The following ENOX2 variants were observed in gnomAD, a reference collection of about 807,000 sequenced individuals.
The protein encoded by ENOX2 is APK1 antigen.
ENOX2 carries 36 observed loss-of-function variants against 45.0 expected under a neutral mutation model. The observed-to-expected ratio is 0.80, with a 90% CI of 0.61 to 1.06. ENOX2 has a LOEUF of 1.06. Ranked by LOEUF, ENOX2 falls within the 50% of genes least tolerant of loss-of-function variation. The pLI is 0.00. For missense variants in ENOX2, 423 were observed against 462.5 expected (o/e 0.91, Z 0.78); for synonymous variants, 174 against 152.3 (o/e 1.14, Z -1.05).
intron 3 of ENOX2, among the ~76,000 whole-genome samples, chrX:130,782,735 C>T (rs1020371116): frequency 1.8e-5 from 2 of 111,205 alleles, no homozygotes; most frequent in Non-Finnish European, 3.8e-5. Context: ...CTATATACTA[C>T]AGATTCTACT....
intron 12 of ENOX2, among the ~76,000 whole-genome samples, chrX:130,634,416 A>G (rs1172233874): frequency 9.0e-6 from 1 of 111,522 alleles, no homozygotes; most frequent in Non-Finnish European, 1.9e-5. Context: ...GGTGGTTCTT[A>G]TTGCTGAGAG....
At chrX:130,657,940 T>G (rs969803570) in intron 9 of ENOX2, among the ~76,000 whole-genome samples, 15 of 111,943 alleles carry the variant, frequency 1.3e-4, no homozygotes, top group Non-Finnish European at 2.3e-4. Context: ...GTGCTCATGA[T>G]GTAAAGAAAA....
intron 2 of ENOX2, among the ~76,000 whole-genome samples, chrX:130,886,744 T>C (rs2078910504): frequency 8.9e-6 from 1 of 112,017 alleles, no homozygotes; most frequent in Admixed American, 9.5e-5. Context: ...ACCAAACAGA[T>C]GTGTCCTGGA....
At chrX:130,636,858 A>G (rs1188999781) in intron 11 of ENOX2, among the ~76,000 whole-genome samples, 1 of 112,103 alleles carries the variant, frequency 8.9e-6, no homozygotes, top group Non-Finnish European at 1.9e-5. Context: ...TCTATCAACT[A>G]GATACTTGTT....
At position 130,670,073 on chromosome X, in the gene ENOX2, C is replaced by T. The variant is rs1158959798; in HGVS notation, c.586G>A (p.Glu196Lys). Reference protein sequence around the residue: ...ECKQRMLAREERHRRRMEEER... With the variant: ...ECKQRMLAREKRHRRRMEEER... ...TCTTCCATTCTTCTACGATGGCGCT[C>T]CTCTCTGGCTAGCATACGCTGTTTA... The change falls in exon 7 of 15, where the codon GAG (glutamate) becomes AAG (lysine). Residue 196 changes from glutamate to lysine, a missense_variant. By Grantham distance (56) the Glu-to-Lys change is moderately conservative. Transcript: ENST00000394363. 3.3e-6 allele frequency: 4 copies of T among 1,209,114 alleles called. No individual in the cohort carries two copies. The African/African-American group carries it at 5.3e-5, about 16-fold the overall frequency.
intron 3 of ENOX2, among the ~76,000 whole-genome samples, chrX:130,732,440 G>A (rs2038758270): frequency 9.0e-6 from 1 of 111,342 alleles, no homozygotes; most frequent in South Asian, 3.8e-4. Flanking sequence ...GAGATCTACA[G>A]ATTCAATGCA....
rs773766204 is a variant in ENOX2 at position 130,757,382 on chromosome X, A to T, written c.-39+26165T>A. ...CAGATTCATAGAATTTACACAATGTAGCTCCAAGAAAGATCCTGATTAGTT... is the reference window on the plus strand; with the variant it reads ...CAGATTCATAGAATTTACACAATGTTGCTCCAAGAAAGATCCTGATTAGTT... On this transcript the variant is annotated intron_variant, in intron 3 of 14. Coordinates refer to ENST00000394363, the MANE Select transcript of ENOX2 (RefSeq NM_006375.4). Among the ~76,000 whole-genome samples the T allele has an allele frequency of 2.5e-4, 28 of 112,405 alleles. No individual in the cohort carries two copies. In the East Asian group the frequency reaches 7.8e-3, roughly 31 times the overall value.
intron 2 of ENOX2, among the ~76,000 whole-genome samples, chrX:130,877,567 C>T (rs964136090): frequency 8.9e-6 from 1 of 111,895 alleles, no homozygotes; most frequent in Non-Finnish European, 1.9e-5. Flanking sequence ...ACTGGCACTC[C>T]ATTTTGCAAT....
intron 2 of ENOX2, among the ~76,000 whole-genome samples, chrX:130,800,284 G>C (rs1469191022): frequency 1.9e-5 from 2 of 107,791 alleles, no homozygotes; most frequent in Non-Finnish European, 3.8e-5. Context: ...TTATAATCTA[G>C]AGGTTTTTAA....
At chrX:130,786,200 C>A (rs998540942) in intron 2 of ENOX2, among the ~76,000 whole-genome samples, 11 of 111,717 alleles carry the variant, frequency 9.8e-5, no homozygotes, top group African/African-American at 3.6e-4. Flanking sequence ...GACCTGACAG[C>A]TGATAATCAA....
intron 2 of ENOX2, among the ~76,000 whole-genome samples, chrX:130,800,368 G>A (rs909009990): frequency 5.6e-5 from 6 of 107,018 alleles, no homozygotes; most frequent in African/African-American, 1.0e-4. Flanking sequence ...ACTAATCAGC[G>A]TGCATTATGC....
chrX:130,832,455 A>ACACACC (rs2077853776), intron 2 of ENOX2, among the ~76,000 whole-genome samples: 1 of 109,472 alleles, frequency 9.1e-6, no homozygotes, highest in African/African-American at 3.3e-5. Context: ...ACACACACAC[A>ACACACC]CACACACACA....
intron 2 of ENOX2, among the ~76,000 whole-genome samples, chrX:130,835,670 C>T (rs2077917487): frequency 9.0e-6 from 1 of 111,029 alleles, no homozygotes; most frequent in African/African-American, 3.3e-5. Context: ...GGCTCTGACA[C>T]TAACTAGTTT....
At chrX:130,735,100 C>T (rs1466967764) in intron 3 of ENOX2, among the ~76,000 whole-genome samples, 1 of 112,437 alleles carries the variant, frequency 8.9e-6, no homozygotes, top group Non-Finnish European at 1.9e-5. Flanking sequence ...TCCATCTTCC[C>T]TAATGCTCCA....
intron 3 of ENOX2, among the ~76,000 whole-genome samples, chrX:130,755,578 T>C (rs1373549154): frequency 9.0e-6 from 1 of 110,613 alleles, no homozygotes; most frequent in Non-Finnish European, 1.9e-5. Flanking sequence ...TGGGGTCACA[T>C]GTTTTTTTAA....
intron 2 of ENOX2, among the ~76,000 whole-genome samples, chrX:130,894,229 C>T (rs770063913): frequency 9.0e-6 from 1 of 111,406 alleles, no homozygotes; most frequent in Non-Finnish European, 1.9e-5. Flanking sequence ...TTTGGATATA[C>T]ACCCAGTAAT....
intron 2 of ENOX2, among the ~76,000 whole-genome samples, chrX:130,826,373 G>A (rs181094312): frequency 5.9e-4 from 66 of 111,526 alleles, no homozygotes; most frequent in South Asian, 3.7e-4. Flanking sequence ...CATTATAGTC[G>A]TTCACCATAT....
At chrX:130,670,222 G>A (rs1287238081) in intron 6 of ENOX2, 24 bp from the exon 7 acceptor site, 1 of 1,065,287 alleles carries the variant, frequency 9.4e-7, no homozygotes, top group Non-Finnish European at 1.3e-6. Context: ...AGGGTGAAAG[G>A]GAGAGGAGAG....
At chrX:130,762,133 A>G (rs1160633186) in intron 3 of ENOX2, among the ~76,000 whole-genome samples, 2 of 111,904 alleles carry the variant, frequency 1.8e-5, no homozygotes, top group African/African-American at 6.5e-5. Context: ...CTAAACTTTT[A>G]AGGTGGGAAC....
Sources: allele counts gnomAD v4.1 joint callset (sites outside exome capture counted in the v4.1 genomes callset), GRCh38; gene constraint gnomAD v4.1.1; transcripts MANE v1.5; gene names NCBI Gene and HGNC (gene_info 2026-07-23, HGNC 2026-07-21).